The following GTF2B variants were observed in gnomAD, a reference collection of about 807,000 sequenced individuals.
GTF2B encodes general transcription factor IIB, also known as transcription initiation factor IIB.
GTF2B carries 20 observed loss-of-function variants against 34.6 expected under a neutral mutation model. That is an observed-to-expected ratio of 0.58 (90% confidence interval 0.41 to 0.84). The LOEUF (loss-of-function observed/expected upper bound fraction) is 0.84, where lower values mean the gene tolerates loss of function less well. Ranked by LOEUF, GTF2B falls within the 40% of genes least tolerant of loss-of-function variation. GTF2B has a pLI of 0.00. For missense variants in GTF2B, 237 were observed against 393.3 expected (o/e 0.60, Z 3.36); for synonymous variants, 142 against 132.4 (o/e 1.07, Z -0.50).
intron 3 of GTF2B, 48 bp from the exon 4 acceptor site, chr1:88,860,334 A>G: frequency 7.5e-7 from 1 of 1,340,720 alleles, no homozygotes. Context: ...GAAAGCATGA[A>G]AAATGGACAA....
At chr1:88,867,558 C>A (rs1209802316) in intron 2 of GTF2B, among the ~76,000 whole-genome samples, 2 of 151,976 alleles carry the variant, frequency 1.3e-5, no homozygotes, top group African/African-American at 4.8e-5. Context: ...TAAAAAAAAT[C>A]AACAAATGTC....
At chr1:88,868,070 G>A (rs766122815) in intron 2 of GTF2B, among the ~76,000 whole-genome samples, 1 of 152,198 alleles carries the variant, frequency 6.6e-6, no homozygotes, top group African/African-American at 2.4e-5. Context: ...AACAGGGCAA[G>A]TCCATTCAGA....
chr1:88,889,377 G>A (rs760375746), intron 1 of GTF2B, among the ~76,000 whole-genome samples: 1 of 152,172 alleles, frequency 6.6e-6, no homozygotes, highest in Non-Finnish European at 1.5e-5. Context: ...AGAAACAATA[G>A]GGAGGAATAG....
chr1:88,853,673 A>G (rs1406920126), intron 6 of GTF2B, among the ~76,000 whole-genome samples: 2 of 152,038 alleles, frequency 1.3e-5, no homozygotes, highest in Non-Finnish European at 2.9e-5. Context: ...GCGTGGTGGC[A>G]TGCGCCTGTA....
intron 6 of GTF2B, among the ~76,000 whole-genome samples, chr1:88,856,614 G>A (rs1045909751): frequency 7.9e-5 from 12 of 151,994 alleles, no homozygotes; most frequent in Admixed American, 7.2e-4. Context: ...AAATGATCAG[G>A]AGGAATATAT....
At chr1:88,880,602 C>T (rs1203235432) in intron 2 of GTF2B, among the ~76,000 whole-genome samples, 2 of 152,140 alleles carry the variant, frequency 1.3e-5, no homozygotes, top group Non-Finnish European at 2.9e-5. Context: ...ACATATATGG[C>T]AGGGTCTGTA....
At chr1:88,868,961 G>A (rs916381440) in intron 2 of GTF2B, among the ~76,000 whole-genome samples, 2 of 151,952 alleles carry the variant, frequency 1.3e-5, no homozygotes, top group Non-Finnish European at 2.9e-5. Context: ...GGATGGTCTC[G>A]ATCTCCTGAC....
intron 3 of GTF2B, among the ~76,000 whole-genome samples, chr1:88,863,406 C>T (rs1018123674): frequency 6.6e-5 from 10 of 151,978 alleles, no homozygotes; most frequent in Non-Finnish European, 8.8e-5. Context: ...TTCAGTGGCG[C>T]GATCTTGGCT....
chr1:88,875,550 C>T (rs1028317513), intron 2 of GTF2B, among the ~76,000 whole-genome samples: 2 of 152,226 alleles, frequency 1.3e-5, no homozygotes, highest in Admixed American at 1.3e-4. Flanking sequence ...GCCACTCACT[C>T]ACTACTACTG....
intron 6 of GTF2B, among the ~76,000 whole-genome samples, chr1:88,856,219 GA>G (rs1293553736): frequency 2.4e-4 from 30 of 124,470 alleles, no homozygotes; most frequent in African/African-American, 8.7e-4. Flanking sequence ...AGTAAGCTGA[GA>G]TTGTGCCACT....
intron 1 of GTF2B, 68 bp downstream of exon 1, chr1:88,891,415 G>C: frequency 7.7e-7 from 1 of 1,296,436 alleles, no homozygotes. Flanking sequence ...GCTGCCCGGA[G>C]GCCGCCTAAA....
chr1:88,856,539 C>CA (rs1673317771), intron 6 of GTF2B, among the ~76,000 whole-genome samples: 1 of 151,962 alleles, frequency 6.6e-6, no homozygotes, highest in Non-Finnish European at 1.5e-5. Context: ...CAGTGAGAAA[C>CA]AAAGCATGGC....
rs769295398 is a variant in GTF2B at position 88,860,138 on chromosome 1, AC to A, written c.405+1del. ...GCTTAAAGGAGGTAGACAAGAACTT[AC>A]AACTATATTTCGAGGTAGATTGATT... On this transcript the variant is annotated splice_donor_variant, in intron 4 of 6. Transcript: ENST00000370500. LOFTEE classifies it high-confidence loss of function. The A allele has an allele frequency of 1.2e-6, 2 of 1,613,954 alleles. No individual in the cohort carries two copies. Among genetic ancestry groups the A allele is most frequent in the African/African-American group, 1.3e-5 (1 of 74,950 alleles).
At chr1:88,854,956 C>T (rs1024769314) in intron 6 of GTF2B, among the ~76,000 whole-genome samples, 16 of 152,168 alleles carry the variant, frequency 1.1e-4, no homozygotes, top group South Asian at 4.1e-4. Flanking sequence ...CATCTAAATA[C>T]CAATAAATGC....
intron 2 of GTF2B, among the ~76,000 whole-genome samples, chr1:88,874,496 AATTT>A (rs1394555661): frequency 0.03 from 3,127 of 102,752 alleles, 150 homozygotes; most frequent in African/African-American, 0.088. Context: ...CAGCTAATTA[AATTT>A]TTTTTTTTTT....
chr1:88,875,947 ACT>A (rs1436943158), intron 2 of GTF2B, among the ~76,000 whole-genome samples: 1 of 152,120 alleles, frequency 6.6e-6, no homozygotes, highest in Non-Finnish European at 1.5e-5. Flanking sequence ...TTACCTAAGC[ACT>A]CTGAGTCTCA....
chr1:88,889,934 G>A (rs974135662), intron 1 of GTF2B, among the ~76,000 whole-genome samples: 1 of 152,158 alleles, frequency 6.6e-6, no homozygotes, highest in Non-Finnish European at 1.5e-5. Flanking sequence ...CAGCTACTCA[G>A]AAGGCTGAGG....
At chr1:88,869,548 C>T (rs72724783) in intron 2 of GTF2B, among the ~76,000 whole-genome samples, 141 of 152,140 alleles carry the variant, frequency 9.3e-4, no homozygotes, top group Admixed American at 1.4e-3. Context: ...TTGAAAAAAA[C>T]GGGAAAATAA....
Position 88,860,291 on chromosome 1 carries a change from A to G in GTF2B, c.259-5T>C. The G allele has an allele frequency of 6.2e-7, 1 of 1,606,634 alleles. No individual in the cohort carries two copies. Among genetic ancestry groups the G allele is most frequent in the Non-Finnish European group, 8.5e-7 (1 of 1,177,916 alleles). ...AAAACTTGCAGCTCCTGTGCCCTAT[A>G]AAACAGTTTTATAACTATGAAAAAA... is the stretch of plus-strand genomic sequence containing the variant. On this transcript the variant is annotated splice_polypyrimidine_tract_variant and splice_region_variant and intron_variant, in intron 3 of 6. Coordinates refer to ENST00000370500, the MANE Select transcript of GTF2B (RefSeq NM_001514.6).
Sources: allele counts gnomAD v4.1 joint callset (sites outside exome capture counted in the v4.1 genomes callset), GRCh38; gene constraint gnomAD v4.1.1; transcripts MANE v1.5; gene names NCBI Gene and HGNC (gene_info 2026-07-23, HGNC 2026-07-21).